The following GRIK2 variants were observed in gnomAD, a reference collection of about 807,000 sequenced individuals.
The protein encoded by GRIK2 is glutamate ionotropic receptor kainate type subunit 2.
In GRIK2, 32 loss-of-function variants were observed where a neutral mutation model predicts 100.3. That is an observed-to-expected ratio of 0.32 (90% CI 0.24 to 0.43). The LOEUF (loss-of-function observed/expected upper bound fraction) is 0.43. Ranked by LOEUF, GRIK2 falls within the 20% of genes least tolerant of loss-of-function variation. The pLI is 1.00. For missense variants in GRIK2, 843 were observed against 1,114.9 expected, an observed-to-expected ratio of 0.76 and a Z score of 3.47; for synonymous variants, 417 against 389.4, an observed-to-expected ratio of 1.07 and a Z score of -0.83.
At chr6:101,578,490 A>G (rs1291471643) in intron 2 of GRIK2, among the ~76,000 whole-genome samples, 2 of 152,150 alleles carry the variant, frequency 1.3e-5, no homozygotes, top group Non-Finnish European at 2.9e-5. Flanking sequence ...GCTGGTGCCA[A>G]GAGAGCTAAT....
chr6:101,668,999 G>T (rs1233371261), intron 4 of GRIK2, among the ~76,000 whole-genome samples: 4 of 151,674 alleles, frequency 2.6e-5, no homozygotes, highest in Admixed American at 6.6e-5. Flanking sequence ...GTAGAAAAAG[G>T]TTAAAAAAAA....
chr6:102,048,403 AT>A (rs1413807460), intron 15 of GRIK2, among the ~76,000 whole-genome samples: 6 of 152,116 alleles, frequency 3.9e-5, no homozygotes, highest in African/African-American at 1.4e-4. Context: ...AGGAAAAAAA[AT>A]AATAGTGCGA....
In GRIK2 at chr6:101,963,442, C is replaced by T. The variant is rs1417054237; in HGVS notation, c.2085+34810C>T. Among the ~76,000 whole-genome samples, 34 of 147,064 alleles carry T rather than the reference C, an allele frequency of 2.3e-4. 1 individual carries two copies. Among genetic ancestry groups the T allele is most frequent in the East Asian group, 9.9e-4 (5 of 5,062 alleles). On this transcript the variant is annotated intron_variant, in intron 14 of 16. Coordinates refer to ENST00000369134, the MANE Select transcript of GRIK2 (RefSeq NM_021956.5). ...TCTCCCGAGTAGCTGGGACTACAGGCGCCTGCCACAGCACCTGGCTGATTT... is the reference window on the plus strand; with the variant it reads ...TCTCCCGAGTAGCTGGGACTACAGGTGCCTGCCACAGCACCTGGCTGATTT...
At chr6:101,467,875 T>G (rs979740203) in intron 2 of GRIK2, among the ~76,000 whole-genome samples, 4 of 139,850 alleles carry the variant, frequency 2.9e-5, no homozygotes, top group African/African-American at 5.5e-5. Flanking sequence ...GCTGCTTTCA[T>G]AGTCCTTCCT....
intron 7 of GRIK2, among the ~76,000 whole-genome samples, chr6:101,780,310 A>AT (rs1779009880): frequency 4.6e-5 from 7 of 152,140 alleles, no homozygotes; most frequent in Admixed American, 4.6e-4. Context: ...CAGTGGGAAT[A>AT]TGGCCTAGGG....
chr6:101,947,114 G>A (rs776380498), intron 14 of GRIK2, among the ~76,000 whole-genome samples: 13 of 152,156 alleles, frequency 8.5e-5, no homozygotes, highest in Non-Finnish European at 1.3e-4. Flanking sequence ...AGAGAGGTCA[G>A]GGGCTTAGAG....
At chr6:101,993,642 GGAAA>G (rs1417748104) in intron 14 of GRIK2, 1 of 150,258 alleles carries the variant, frequency 6.7e-6, no homozygotes, top group Non-Finnish European at 1.5e-5. Context: ...AGTTCTATGA[GGAAA>G]GAAATTTTAA....
chr6:101,930,732 C>T (rs1417828043), intron 14 of GRIK2, among the ~76,000 whole-genome samples: 1 of 151,190 alleles, frequency 6.6e-6, no homozygotes, highest in East Asian at 1.9e-4. Context: ...TCTTTTCATT[C>T]TTTCGTTCTT....
intron 4 of GRIK2, among the ~76,000 whole-genome samples, chr6:101,628,694 T>C (rs1266339333): frequency 1.3e-5 from 2 of 152,092 alleles, no homozygotes; most frequent in Non-Finnish European, 2.9e-5. Context: ...CTGTGGATTG[T>C]TTACTTCTCC....
At chr6:101,726,104 A>T (rs1392044916) in intron 7 of GRIK2, among the ~76,000 whole-genome samples, 1 of 151,954 alleles carries the variant, frequency 6.6e-6, no homozygotes, top group East Asian at 1.9e-4. Context: ...TATATATATA[A>T]CAGTGCTAAG....
chr6:102,013,844 A>T (rs1333802151), intron 14 of GRIK2, among the ~76,000 whole-genome samples: 2 of 151,572 alleles, frequency 1.3e-5, no homozygotes, highest in African/African-American at 4.9e-5. Context: ...TATTTTGTTG[A>T]GGATTTTGCA....
At chr6:101,874,596 A>T (rs548102095) in intron 11 of GRIK2, among the ~76,000 whole-genome samples, 1 of 152,116 alleles carries the variant, frequency 6.6e-6, no homozygotes, top group African/African-American at 2.4e-5. Flanking sequence ...TTTTGGTGCC[A>T]TATGAATTTT....
chr6:101,512,686 C>T (rs538469050), intron 2 of GRIK2, among the ~76,000 whole-genome samples: 1 of 151,922 alleles, frequency 6.6e-6, no homozygotes, highest in South Asian at 2.1e-4. Context: ...TTTCAATCAA[C>T]AACTTTTTTT....
At chr6:101,904,962 C>G (rs1788124754) in intron 12 of GRIK2, among the ~76,000 whole-genome samples, 1 of 151,332 alleles carries the variant, frequency 6.6e-6, no homozygotes, top group Non-Finnish European at 1.5e-5. Context: ...TAGCTTATGA[C>G]AAACAATGTA....
At chr6:101,589,335 T>C (rs1225821501) in intron 2 of GRIK2, among the ~76,000 whole-genome samples, 4 of 152,142 alleles carry the variant, frequency 2.6e-5, no homozygotes, top group Non-Finnish European at 4.4e-5. Context: ...TTTTAGAATA[T>C]TTTTAAAACA....
intron 7 of GRIK2, among the ~76,000 whole-genome samples, chr6:101,757,977 C>T (rs896220845): frequency 2.0e-5 from 3 of 152,162 alleles, no homozygotes; most frequent in Non-Finnish European, 4.4e-5. Context: ...CCTACAATAC[C>T]AGCACTTTGG....
chr6:102,035,613 G>T, intron 15 of GRIK2, 47 bp downstream of exon 15: 1 of 1,155,986 alleles, frequency 8.7e-7, no homozygotes, highest in Non-Finnish European at 1.3e-6. Context: ...AATCTGAGTT[G>T]CTGTAAGACA....
chr6:102,012,112 C>G (rs1289384062), intron 14 of GRIK2, among the ~76,000 whole-genome samples: 1 of 151,828 alleles, frequency 6.6e-6, no homozygotes, highest in Admixed American at 6.6e-5. Context: ...CTATTTGCTC[C>G]TTTGTATTGC....
intron 16 of GRIK2, chr6:102,064,089 GTTATA>G: frequency 1.2e-6 from 1 of 865,872 alleles, no homozygotes; most frequent in Non-Finnish European, 1.9e-6. Flanking sequence ...TTTGTAGTCT[GTTATA>G]TTAATGTGGA....
Sources: gnomAD v4.1 joint callset for allele counts (sites outside exome capture counted in the v4.1 genomes callset) on GRCh38, gnomAD v4.1.1 for gene constraint, MANE v1.5 for transcripts, NCBI Gene and HGNC (gene_info 2026-07-23, HGNC 2026-07-21) for gene names.